SIPA1L3: variants seen among roughly 807,000 people sequenced by gnomAD.
The protein encoded by SIPA1L3 is signal-induced proliferation-associated 1-like protein 3.
In SIPA1L3, 59 loss-of-function variants were observed where a neutral mutation model predicts 150.1. That is an observed-to-expected ratio of 0.39 (90% CI 0.32 to 0.49). The LOEUF is 0.49. SIPA1L3 is among the 20% of genes least tolerant of loss of function. The pLI, the probability that SIPA1L3 is intolerant of heterozygous loss-of-function variation, is 0.86. For missense variants in SIPA1L3, 2,211 were observed against 2,489.5 expected (o/e 0.89, Z 2.38); for synonymous variants, 1,070 against 1,077.6 (o/e 0.99, Z 0.14).
At position 38,204,188 on chromosome 19, in the gene SIPA1L3, C is replaced by G; in HGVS notation, c.5182C>G (p.Leu1728Val). 2.6e-6 allele frequency: 4 copies of G among 1,557,514 alleles called. No homozygotes were observed. The highest frequency in any genetic ancestry group is 3.5e-6 in the Non-Finnish European group (4 of 1,149,990). Reference protein sequence around the residue: ...VYQLEVMLKQLHTDLQKEKQD... With the variant: ...VYQLEVMLKQVHTDLQKEKQD... ...CCAGCTGGAGGTGATGCTGAAACAGCTGCACACTGACCTGCAGAAGGTAAG... is the reference window on the plus strand; with the variant it reads ...CCAGCTGGAGGTGATGCTGAAACAGGTGCACACTGACCTGCAGAAGGTAAG... Residue 1728 changes from leucine (L) to valine (V), a missense_variant, in exon 21 of 22, where the codon CTG becomes GTG. This residue lies in a region of SIPA1L3 where 63 missense variants were observed against 106.1 expected (regional missense o/e 0.59). Coordinates refer to ENST00000222345, the MANE Select transcript of SIPA1L3 (RefSeq NM_015073.3).
At chr19:38,006,669 G>A (rs563308360) in intron 1 of SIPA1L3, among the ~76,000 whole-genome samples, 4 of 152,250 alleles carry the variant, frequency 2.6e-5, no homozygotes, top group East Asian at 1.9e-4. Flanking sequence ...GCAGTGGTGC[G>A]GGGGGCATCC....
intron 1 of SIPA1L3, among the ~76,000 whole-genome samples, chr19:37,931,626 T>G (rs781768642): frequency 2.0e-5 from 3 of 152,054 alleles, no homozygotes; most frequent in Non-Finnish European, 4.4e-5. Context: ...GGTGCACGCC[T>G]GTAATCCCAG....
In SIPA1L3 at chr19:38,110,281, C is replaced by G. The variant is rs777055489; in HGVS notation, c.2188C>G (p.Pro730Ala). Residue 730 changes from proline to alanine, a missense_variant, in exon 8 of 22, where the codon CCT becomes GCT. By Grantham distance (27) the Pro-to-Ala change is conservative. Around this residue, in one of 5 missense-constraint regions of SIPA1L3, gnomAD observed 625 missense variants for 804.2 expected, o/e 0.78. Transcript: ENST00000222345. The part of the protein sequence containing the change: ...NDIVTIIFQE[P>A]GALPFTPKNI... Reference sequence around the variant, plus strand: ...CATCGTGACGATCATCTTCCAGGAGCCTGGCGCGCTACCGTTCACCCCCAA... The same window carrying G: ...CATCGTGACGATCATCTTCCAGGAGGCTGGCGCGCTACCGTTCACCCCCAA... 46 of 1,614,040 alleles carry G rather than the reference C, an allele frequency of 2.8e-5. No homozygotes were observed. In the Middle Eastern group the frequency reaches 8.2e-4, roughly 29 times the overall value.
At chr19:38,203,009 A>G (rs893025713) in intron 20 of SIPA1L3, among the ~76,000 whole-genome samples, 2 of 152,174 alleles carry the variant, frequency 1.3e-5, no homozygotes, top group African/African-American at 2.4e-5. Flanking sequence ...TAAATAGTGC[A>G]TTTCACACTC....
rs2046415380 is a variant in SIPA1L3, at chr19:37,916,440, T to A, written c.-379+9082T>A. On this transcript the variant is annotated intron_variant, in intron 1 of 21. Coordinates refer to ENST00000222345, the MANE Select transcript of SIPA1L3 (RefSeq NM_015073.3). ...ACTTGAGCCCAGGCACTACCACACC[T>A]TGAGCCCAGGAGATCAAGGATACAG... Among the ~76,000 whole-genome samples, 3 of 148,868 alleles carry A rather than the reference T, an allele frequency of 2.0e-5. 1 individual carries two copies. In the Admixed American group the frequency reaches 2.0e-4, roughly 10 times the overall value.
At chr19:37,952,347 T>TCTATATTTAATTTAATTTTAA (rs1333358220) in intron 1 of SIPA1L3, among the ~76,000 whole-genome samples, 7 of 151,882 alleles carry the variant, frequency 4.6e-5, no homozygotes, top group African/African-American at 1.7e-4. Flanking sequence ...AATACAGTAA[T>TCTATATTTAATTTAATTTTAA]TTTAGTGGAC....
At chr19:38,145,590 C>T (rs1023270312) in intron 12 of SIPA1L3, among the ~76,000 whole-genome samples, 1 of 151,494 alleles carries the variant, frequency 6.6e-6, no homozygotes, top group Non-Finnish European at 1.5e-5. Context: ...GAACCCTTCA[C>T]GCAGCCTCCC....
intron 1 of SIPA1L3, among the ~76,000 whole-genome samples, chr19:37,932,136 G>T (rs1462394140): frequency 6.6e-6 from 1 of 152,222 alleles, no homozygotes; most frequent in Non-Finnish European, 1.5e-5. Flanking sequence ...ACGGGCCAAG[G>T]AGCCCGCCTT....
intron 2 of SIPA1L3, among the ~76,000 whole-genome samples, chr19:38,073,994 C>G (rs1969778745): frequency 6.6e-6 from 1 of 152,336 alleles, no homozygotes; most frequent in South Asian, 2.1e-4. Flanking sequence ...TCACTATTTC[C>G]ATAACCCGTC....
At chr19:37,908,486 G>C (rs2145458829) in intron 1 of SIPA1L3, among the ~76,000 whole-genome samples, 1 of 152,334 alleles carries the variant, frequency 6.6e-6, no homozygotes, top group South Asian at 2.1e-4. Flanking sequence ...TGTCCCATCT[G>C]TGGAATGGTA....
intron 1 of SIPA1L3, among the ~76,000 whole-genome samples, chr19:37,914,251 G>T (rs776824006): frequency 6.6e-6 from 1 of 152,108 alleles, no homozygotes; most frequent in Non-Finnish European, 1.5e-5. Flanking sequence ...GTTGAAGAAA[G>T]AACATTCCAG....
In SIPA1L3 at chr19:38,081,640, C is replaced by T. The variant is rs148675237; in HGVS notation, c.75C>T (p.Val25=). The T allele has an allele frequency of 2.0e-3, 3,280 of 1,607,620 alleles. 57 individuals are homozygous for T. In the South Asian group the frequency reaches 0.025, roughly 12 times the overall value. ...GCTGTGGCGCCAGGGTGGGCGATGT[C>T]CTCCCTGGGCCACACACAGGGGACT... ...AASCGARVGD[V]LPGPHTGDYA... is the part of the protein sequence containing the mutation. The change falls in exon 3 of 22, where the codon GTC becomes GTT. Residue 25 remains valine (V), a synonymous_variant. Transcript: ENST00000222345.
At chr19:38,024,528 G>A (rs544841194) in intron 1 of SIPA1L3, among the ~76,000 whole-genome samples, 118 of 152,110 alleles carry the variant, frequency 7.8e-4, no homozygotes, top group Admixed American at 3.7e-3. Flanking sequence ...GGGGTCTCGG[G>A]GAGCCCGGCA....
intron 1 of SIPA1L3, among the ~76,000 whole-genome samples, chr19:37,955,262 A>G (rs577780643): frequency 6.6e-6 from 1 of 152,052 alleles, no homozygotes; most frequent in South Asian, 2.1e-4. Flanking sequence ...GTGTTGGCAC[A>G]TGCCTGTAAT....
At chr19:38,137,435 C>T (rs113036099) in intron 10 of SIPA1L3, among the ~76,000 whole-genome samples, 4,497 of 151,756 alleles carry the variant, frequency 0.03, 212 homozygotes, top group African/African-American at 0.1. Context: ...GTGATCCACC[C>T]GCCTCGGCCT....
intron 1 of SIPA1L3, among the ~76,000 whole-genome samples, chr19:38,018,116 T>C (rs1405203455): frequency 6.7e-6 from 1 of 150,362 alleles, no homozygotes; most frequent in Non-Finnish European, 1.5e-5. Context: ...GAGAATTTAT[T>C]ACCAATCTAA....
intron 1 of SIPA1L3, among the ~76,000 whole-genome samples, chr19:37,973,557 G>GGT (rs1966995741): frequency 2.1e-5 from 2 of 94,608 alleles, no homozygotes; most frequent in Non-Finnish European, 3.9e-5. Context: ...AAAAAAAAGC[G>GGT]GGAGGGGGGC....
intron 10 of SIPA1L3, among the ~76,000 whole-genome samples, chr19:38,136,183 CAA>C (rs56146390): frequency 4.5e-5 from 2 of 44,116 alleles, no homozygotes; most frequent in East Asian, 8.2e-4. Context: ...GAGACTGTCT[CAA>C]AAAAAAAAAA....
intron 1 of SIPA1L3, among the ~76,000 whole-genome samples, chr19:37,966,339 T>G (rs2046904162): frequency 6.6e-6 from 1 of 152,170 alleles, no homozygotes; most frequent in Non-Finnish European, 1.5e-5. Context: ...TGAGGGATGC[T>G]TTGCAGTGAC....
Sources: allele counts gnomAD v4.1 joint callset (sites outside exome capture counted in the v4.1 genomes callset), GRCh38; gene constraint gnomAD v4.1.1; regional missense constraint gnomAD v4.1.1; transcripts MANE v1.5; gene names NCBI Gene and HGNC (gene_info 2026-07-23, HGNC 2026-07-21).